The following DYNC1I1 variants were observed in gnomAD, a reference collection of about 807,000 sequenced individuals.
DYNC1I1 encodes the protein cytoplasmic dynein 1 intermediate chain 1.
DYNC1I1 carries 43 observed loss-of-function variants against 86.6 expected under a neutral mutation model. The observed-to-expected ratio is 0.50, with a 90% CI of 0.39 to 0.64. The LOEUF (loss-of-function observed/expected upper bound fraction) is 0.64, where lower values mean the gene tolerates loss of function less well. Among genes scored for constraint, DYNC1I1 ranks in the 30% least tolerant of loss-of-function variants. The pLI, the probability that DYNC1I1 is intolerant of heterozygous loss-of-function variation, is 0.00. For synonymous variants in DYNC1I1, 262 were observed against 283.7 expected (o/e 0.92, Z 0.77); for missense variants, 604 against 788.8 (o/e 0.77, Z 2.81).
chr7:95,814,989 G>C (rs1794915196), intron 4 of DYNC1I1, among the ~76,000 whole-genome samples: 1 of 151,828 alleles, frequency 6.6e-6, no homozygotes, highest in African/African-American at 2.4e-5. Flanking sequence ...ACATTTCTTG[G>C]GGGGGGTCCA....
intron 1 of DYNC1I1, among the ~76,000 whole-genome samples, chr7:95,779,216 T>C (rs576569028): frequency 1.3e-5 from 2 of 152,218 alleles, no homozygotes; most frequent in African/African-American, 2.4e-5. Context: ...AGTTTTCTCA[T>C]TGAAATCTTC....
intron 6 of DYNC1I1, 51 bp from the exon 7 acceptor site, chr7:95,977,461 C>T (rs1793335527): frequency 1.3e-6 from 2 of 1,574,088 alleles, no homozygotes; most frequent in South Asian, 1.2e-5. Flanking sequence ...CAACCAAAGA[C>T]TTTGATTTGG....
At chr7:96,076,304 TC>T in intron 15 of DYNC1I1, 107 bp downstream of exon 15, 5 of 1,467,690 alleles carry the variant, frequency 3.4e-6, no homozygotes, top group Non-Finnish European at 4.5e-6. Context: ...GGACAGACCT[TC>T]CAACTGCAGC....
At chr7:95,965,657 T>C (rs1792991527) in intron 6 of DYNC1I1, among the ~76,000 whole-genome samples, 1 of 152,122 alleles carries the variant, frequency 6.6e-6, no homozygotes, top group South Asian at 2.1e-4. Flanking sequence ...TCGAGCAATA[T>C]GGCAACTCAT....
intron 14 of DYNC1I1, among the ~76,000 whole-genome samples, chr7:96,053,076 G>A (rs1789454412): frequency 6.6e-6 from 1 of 152,122 alleles, no homozygotes; most frequent in Admixed American, 6.5e-5. Flanking sequence ...GATTATGAAT[G>A]CACACTCTCA....
At chr7:95,933,982 C>T (rs906095022) in intron 6 of DYNC1I1, among the ~76,000 whole-genome samples, 12 of 152,060 alleles carry the variant, frequency 7.9e-5, no homozygotes, top group African/African-American at 2.4e-4. Context: ...AGAACAATCA[C>T]GGTTCACATT....
chr7:95,980,621 C>T (rs905657569), intron 7 of DYNC1I1, among the ~76,000 whole-genome samples: 8 of 139,892 alleles, frequency 5.7e-5, no homozygotes, highest in African/African-American at 1.9e-4. Flanking sequence ...TCAGTACTCA[C>T]TAACTTTTGA....
chr7:96,071,643 C>A (rs527758820), intron 14 of DYNC1I1, among the ~76,000 whole-genome samples: 5 of 152,280 alleles, frequency 3.3e-5, no homozygotes, highest in African/African-American at 1.2e-4. Context: ...GTCTAAAGGA[C>A]CATTCCTGTA....
intron 4 of DYNC1I1, among the ~76,000 whole-genome samples, chr7:95,817,338 A>T (rs1396654603): frequency 6.6e-6 from 1 of 152,286 alleles, no homozygotes; most frequent in South Asian, 2.1e-4. Context: ...GTTTTGCTAC[A>T]GTGCTAGGTT....
At chr7:96,003,668 G>A (rs114025435) in intron 10 of DYNC1I1, among the ~76,000 whole-genome samples, 1,553 of 152,120 alleles carry the variant, frequency 0.01, 35 homozygotes, top group African/African-American at 0.035. Context: ...GTGCATGGGG[G>A]CCCTCCTTTC....
chr7:95,815,081 A>C (rs558085393), intron 4 of DYNC1I1, among the ~76,000 whole-genome samples: 1 of 152,242 alleles, frequency 6.6e-6, no homozygotes, highest in African/African-American at 2.4e-5. Context: ...TCAAGGGTGC[A>C]GTTGGCAGCA....
At chr7:95,898,967 C>G (rs988064606) in intron 6 of DYNC1I1, among the ~76,000 whole-genome samples, 3 of 152,116 alleles carry the variant, frequency 2.0e-5, no homozygotes, top group Admixed American at 6.6e-5. Context: ...AAAAATAATA[C>G]TTTATTGAAA....
intron 5 of DYNC1I1, among the ~76,000 whole-genome samples, chr7:95,841,167 G>A (rs1789270649): frequency 6.6e-6 from 1 of 152,210 alleles, no homozygotes; most frequent in Non-Finnish European, 1.5e-5. Flanking sequence ...GTAGCGACTA[G>A]AAAATTTAAA....
intron 6 of DYNC1I1, among the ~76,000 whole-genome samples, chr7:95,912,611 C>T (rs535892462): frequency 3.5e-4 from 53 of 152,290 alleles, no homozygotes; most frequent in Admixed American, 1.2e-3. Context: ...ATTGAGGCAC[C>T]TCTCTAGCAG....
chr7:95,834,860 C>CT (rs1028474517), intron 5 of DYNC1I1, among the ~76,000 whole-genome samples: 4 of 151,184 alleles, frequency 2.6e-5, no homozygotes, highest in African/African-American at 9.8e-5. Context: ...ATTCTTCTCT[C>CT]TTTTTTTCTT....
intron 9 of DYNC1I1, 99 bp downstream of exon 9, chr7:95,987,254 CTA>C (rs1214902249): frequency 2.2e-5 from 23 of 1,053,772 alleles, no homozygotes; most frequent in Non-Finnish European, 2.8e-5. Flanking sequence ...GATTTCCTCT[CTA>C]TGCCTGTTGG....
Position 95,869,942 on chromosome 7 carries a change from A to T in DYNC1I1, c.434A>T (p.Glu145Val), listed in dbSNP as rs1018082393. Residue 145 changes from glutamate to valine, a missense_variant, in exon 6 of 17, where the codon GAA (glutamate) becomes GTA (valine). Transcript: ENST00000447467. ...ACCCAAGTGGATTTCCTGCCAAGGG[A>T]AGTAGTGTCCTACTCAAAGGAGACC... ...KVTQVDFLPR[E>V]VVSYSKETQT... The T allele has an allele frequency of 7.4e-6, 12 of 1,613,944 alleles. No homozygotes were observed. The highest frequency in any genetic ancestry group is 1.0e-5 in the Non-Finnish European group (12 of 1,179,932).
chr7:95,917,724 G>A (rs1266253655), intron 6 of DYNC1I1, among the ~76,000 whole-genome samples: 5 of 152,242 alleles, frequency 3.3e-5, no homozygotes, highest in African/African-American at 1.2e-4. Context: ...CAGTGGATCT[G>A]AACTTTGCTT....
intron 14 of DYNC1I1, among the ~76,000 whole-genome samples, chr7:96,046,513 A>G (rs1258437012): frequency 6.6e-6 from 1 of 152,228 alleles, no homozygotes; most frequent in East Asian, 1.9e-4. Context: ...GAGAGCGTAA[A>G]TAACTTGCCT....
Sources: allele counts gnomAD v4.1 joint callset (sites outside exome capture counted in the v4.1 genomes callset), GRCh38; gene constraint gnomAD v4.1.1; transcripts MANE v1.5; gene names NCBI Gene and HGNC (gene_info 2026-07-23, HGNC 2026-07-21).